SPAG9: variants seen among roughly 807,000 people sequenced by gnomAD.
SPAG9 encodes C-Jun-amino-terminal kinase-interacting protein 4.
Under a neutral mutation model 166.5 loss-of-function variants are expected in SPAG9, and 35 were observed. The observed-to-expected ratio is 0.21, with a 90% CI of 0.16 to 0.28. The LOEUF is 0.28. Ranked by LOEUF, SPAG9 falls within the 10% of genes least tolerant of loss-of-function variation. The pLI, the probability that SPAG9 is intolerant of heterozygous loss-of-function variation, is 1.00. For synonymous variants in SPAG9, 534 were observed against 565.5 expected (o/e 0.94, Z 0.79); for missense variants, 1,235 against 1,603.3 (o/e 0.77, Z 3.92).
At chr17:51,037,683 ATAGT>A (rs71149338) in intron 5 of SPAG9, among the ~76,000 whole-genome samples, 2,116 of 101,850 alleles carry the variant, frequency 0.021, 134 homozygotes, top group Non-Finnish European at 0.029. Context: ...ATATATATAT[ATAGT>A]GTGTGTGTGT....
intron 1 of SPAG9, among the ~76,000 whole-genome samples, chr17:51,095,945 T>TGATATATATATAGTGA: frequency 9.1e-6 from 1 of 110,096 alleles, no homozygotes; most frequent in African/African-American, 4.3e-5. Context: ...AGTGATATAG[T>TGATATATATATAGTGA]TATATATATA....
At chr17:51,064,817 TAC>T (rs1197040256) in intron 2 of SPAG9, among the ~76,000 whole-genome samples, 1 of 152,142 alleles carries the variant, frequency 6.6e-6, no homozygotes, top group African/African-American at 2.4e-5. Context: ...CGCTGAATTG[TAC>T]ACTTCAAAAT....
intron 8 of SPAG9, among the ~76,000 whole-genome samples, chr17:51,016,882 C>T (rs1421935791): frequency 1.3e-5 from 2 of 151,972 alleles, no homozygotes; most frequent in East Asian, 3.9e-4. Context: ...GCCTGGGCGA[C>T]AAAGCGAGAC....
intron 2 of SPAG9, among the ~76,000 whole-genome samples, chr17:51,058,589 G>C (rs896655782): frequency 1.3e-5 from 2 of 152,112 alleles, no homozygotes; most frequent in African/African-American, 4.8e-5. Flanking sequence ...TTGGGCAGAG[G>C]GGAGTATGCT....
intron 5 of SPAG9, 33 bp from the exon 6 acceptor site, chr17:51,031,755 A>C: frequency 6.6e-7 from 1 of 1,514,268 alleles, no homozygotes; most frequent in Non-Finnish European, 9.0e-7. Context: ...AAGAGAAAAA[A>C]ATTATGTGTT....
intron 1 of SPAG9, among the ~76,000 whole-genome samples, chr17:51,096,834 C>T (rs1254519764): frequency 6.6e-6 from 1 of 152,112 alleles, no homozygotes; most frequent in Non-Finnish European, 1.5e-5. Context: ...GGTCTCTGAC[C>T]CAGTTTCCTA....
At chr17:51,026,439 T>G (rs2046176794) in intron 6 of SPAG9, among the ~76,000 whole-genome samples, 1 of 151,852 alleles carries the variant, frequency 6.6e-6, no homozygotes, top group Non-Finnish European at 1.5e-5. Context: ...TTAATTTAGA[T>G]CTACTTAGAA....
intron 8 of SPAG9, among the ~76,000 whole-genome samples, chr17:51,015,086 C>G (rs1370413335): frequency 6.6e-6 from 1 of 151,392 alleles, no homozygotes; most frequent in Non-Finnish European, 1.5e-5. Context: ...AGGTATACAC[C>G]CAAAAGGACA....
chr17:51,114,909 G>A (rs1302551005), intron 1 of SPAG9, among the ~76,000 whole-genome samples: 1 of 151,186 alleles, frequency 6.6e-6, no homozygotes, highest in Non-Finnish European at 1.5e-5. Flanking sequence ...CTGGGATAGT[G>A]CCACTGCACT....
intron 1 of SPAG9, among the ~76,000 whole-genome samples, chr17:51,104,973 G>A (rs2048907106): frequency 1.3e-5 from 2 of 148,442 alleles, no homozygotes; most frequent in Non-Finnish European, 3.0e-5. Context: ...GCAGGCGCCT[G>A]TAGTCCCAGC....
chr17:51,037,671 A>T, intron 5 of SPAG9, among the ~76,000 whole-genome samples: 1 of 97,316 alleles, frequency 1.0e-5, no homozygotes, highest in Non-Finnish European at 2.5e-5. Flanking sequence ...TGTTTTATAT[A>T]TATATATATA....
At chr17:50,970,925 T>C (rs186135178) in intron 28 of SPAG9, 69 bp from the exon 29 acceptor site, 1 of 1,333,844 alleles carries the variant, frequency 7.5e-7, no homozygotes, top group Non-Finnish European at 1.0e-6. Flanking sequence ...TTTTTTTTTT[T>C]AAGTATTTTT....
At chr17:51,048,858 T>C (rs1186134463) in intron 3 of SPAG9, among the ~76,000 whole-genome samples, 1 of 152,184 alleles carries the variant, frequency 6.6e-6, no homozygotes, top group Non-Finnish European at 1.5e-5. Context: ...GAATATAGTA[T>C]CTTAAAATTT....
At chr17:51,005,308 T>A in intron 11 of SPAG9, 45 bp from the exon 12 acceptor site, 59 of 1,512,064 alleles carry the variant, frequency 3.9e-5, no homozygotes, top group Non-Finnish European at 5.1e-5. Flanking sequence ...TGAATTGAGC[T>A]CATCTTTTCA....
In SPAG9 at chr17:51,120,214, G is replaced by A. The variant is rs985109615; in HGVS notation, c.303+140C>T. ...CTCCCGGGGTACCTGGAGGCCGCCG[G>A]GATCGGTCCCAGGGGGCATCGGCCT... On this transcript the variant is annotated intron_variant, in intron 1 of 29. Coordinates refer to ENST00000262013, the MANE Select transcript of SPAG9 (RefSeq NM_001130528.3). This position sits in a 1 kb window ranked among gnomAD's most constrained non-coding sequence, Gnocchi z 4.7. The A allele has an allele frequency of 1.5e-6, 1 of 657,476 alleles. No individual in the cohort carries two copies. Among genetic ancestry groups the A allele is most frequent in the Non-Finnish European group, 2.3e-6 (1 of 437,850 alleles). The allele number at this position is 657,476 out of a possible 1,614,324, so 40.7% of individuals were successfully genotyped here. A position where few individuals can be genotyped will look rare whatever the true frequency, so the allele number is the denominator to read the frequency against.
intron 3 of SPAG9, 135 bp downstream of exon 3, chr17:51,056,277 G>A (rs1313359762): frequency 3.0e-6 from 2 of 657,102 alleles, no homozygotes; most frequent in Non-Finnish European, 5.4e-6. Flanking sequence ...GAAATTTAAT[G>A]TTTTCTTGAA....
At chr17:51,076,412 G>A (rs141181080) in intron 2 of SPAG9, among the ~76,000 whole-genome samples, 2 of 151,156 alleles carry the variant, frequency 1.3e-5, no homozygotes, top group African/African-American at 2.4e-5. Flanking sequence ...GTGAGATCCG[G>A]TTTCAATAAA....
intron 1 of SPAG9, among the ~76,000 whole-genome samples, chr17:51,097,604 G>T (rs1159741206): frequency 6.6e-6 from 1 of 152,008 alleles, no homozygotes; most frequent in African/African-American, 2.4e-5. Context: ...AGGTTGGTCA[G>T]AAGCACAGGT....
chr17:50,999,438 TACGATATC>T (rs2044827229), intron 14 of SPAG9: 2 of 1,471,510 alleles, frequency 1.4e-6, no homozygotes, highest in African/African-American at 2.9e-5. Flanking sequence ...TGATGCAGCT[TACGATATC>T]ATATTTTTTG....
Sources: allele counts gnomAD v4.1 joint callset (sites outside exome capture counted in the v4.1 genomes callset), GRCh38; gene constraint gnomAD v4.1.1; non-coding constraint Gnocchi (gnomAD v3.1); transcripts MANE v1.5; gene names NCBI Gene and HGNC (gene_info 2026-07-23, HGNC 2026-07-21).